TTC14: variants seen among roughly 807,000 people sequenced by gnomAD.
The protein encoded by TTC14 is tetratricopeptide repeat domain 14, also known as tetratricopeptide repeat protein 14.
Under a neutral mutation model 79.9 loss-of-function variants are expected in TTC14, and 63 were observed. The ratio of observed to expected loss-of-function variants is 0.79; its 90% CI spans 0.64 to 0.97. TTC14 has a LOEUF of 0.97. TTC14 is among the 50% of genes least tolerant of loss of function. The pLI, the probability that TTC14 is intolerant of heterozygous loss-of-function variation, is 0.00. For synonymous variants in TTC14, 335 were observed against 309.6 expected (o/e 1.08, Z -0.86); for missense variants, 895 against 894.0 (o/e 1.00, Z -0.01).
intron 12 of TTC14, chr3:180,617,074 A>G: frequency 1.5e-6 from 1 of 652,808 alleles, no homozygotes; most frequent in Non-Finnish European, 2.5e-6. Flanking sequence ...TTTGTACATA[A>G]TATACATTAT....
chr3:180,616,982 T>C lies in TTC14; in HGVS notation c.1775-398T>C. On this transcript the variant is annotated intron_variant, in intron 12 of 12. Coordinates refer to the TTC14 transcript ENST00000382584. Reference sequence around the variant, plus strand: ...TTTCCATGCTCTGTAGAAAAAATATTAACATGTATTTTTTAGAATCAGAAA... The same window carrying C: ...TTTCCATGCTCTGTAGAAAAAATATCAACATGTATTTTTTAGAATCAGAAA... 8.2e-7 allele frequency: 1 copy of C among 1,220,136 alleles called. No individual in the cohort carries two copies. Among genetic ancestry groups the C allele is most frequent in the Non-Finnish European group, 1.1e-6 (1 of 895,722 alleles). 75.6% of individuals were successfully genotyped at this position (1,220,136 alleles called of 1,614,324 possible). A position where few individuals can be genotyped will look rare whatever the true frequency, so the allele number is the denominator to read the frequency against.
At chr3:180,611,697 G>A (rs975428719), downstream of TTC14, among the ~76,000 whole-genome samples, 1 of 152,212 alleles carries the variant, frequency 6.6e-6, no homozygotes, top group African/African-American at 2.4e-5. Context: ...CTGGGTTTAT[G>A]ATGTCATTAG....
chr3:180,606,400 GA>G (rs1313072822), intron 8 of TTC14, 28 bp downstream of exon 8: 1 of 1,613,588 alleles, frequency 6.2e-7, no homozygotes, highest in Admixed American at 1.7e-5. Flanking sequence ...GGATTTTAAG[GA>G]ATGTTTACCA....
exon 13 of TTC14, chr3:180,617,647 C>T (rs891706431): frequency 2.5e-6 from 1 of 405,428 alleles, no homozygotes; most frequent in Non-Finnish European, 4.4e-6. Context: ...TAGAAAAATG[C>T]TTAGAGAATA....
downstream of TTC14, chr3:180,614,717 G>T: frequency 8.2e-6 from 4 of 490,054 alleles, no homozygotes; most frequent in Non-Finnish European, 1.4e-5. Context: ...ATGTAGCCTT[G>T]TCAAGAATCT....
At chr3:180,612,254 T>A (rs73883900), downstream of TTC14, among the ~76,000 whole-genome samples, 15 of 152,322 alleles carry the variant, frequency 9.8e-5, no homozygotes, top group Admixed American at 5.9e-4. Context: ...ACACAACATT[T>A]AAAAAATTTT....
intron 7 of TTC14, 162 bp downstream of exon 7, chr3:180,605,999 C>A: frequency 1.2e-6 from 1 of 846,056 alleles, no homozygotes; most frequent in Non-Finnish European, 1.8e-6. Context: ...TTACATTTTA[C>A]ACTTAACAGA....
chr3:180,607,650 TAGAAGA>T lies in TTC14; in HGVS notation c.1183_1188del (p.Glu395_Glu396del). 6.3e-7 allele frequency: 1 copy of T among 1,599,732 alleles called. No homozygotes were observed. The highest frequency in any genetic ancestry group is 8.5e-7 in the Non-Finnish European group (1 of 1,175,608). On this transcript the variant is annotated inframe_deletion, in exon 10 of 12. Coordinates refer to ENST00000296015, the MANE Select transcript of TTC14 (RefSeq NM_133462.4). ...CTAAATCTTTCTTTCAAATTTAGGT[TAGAAGA>T]AGAAGAAAAGTTTTTAAATGCTGAA...
intron 10 of TTC14, 164 bp downstream of exon 10, chr3:180,607,929 CCT>C (rs1439123867): frequency 7.2e-7 from 1 of 1,387,786 alleles, no homozygotes; most frequent in Non-Finnish European, 9.3e-7. Context: ...CTTCATAGTG[CCT>C]CTGTTTTTGT....
chr3:180,618,091 C>T (rs1371394815), downstream of TTC14, among the ~76,000 whole-genome samples: 2 of 152,110 alleles, frequency 1.3e-5, no homozygotes, highest in African/African-American at 2.4e-5. Context: ...AGTACAGTAA[C>T]ACACTTTACA....
At chr3:180,609,340 T>G in intron 11 of TTC14, 2 of 1,066,190 alleles carry the variant, frequency 1.9e-6, no homozygotes, top group Non-Finnish European at 2.3e-6. Flanking sequence ...AATAAAAAAG[T>G]TGAGTTCTCC....
downstream of TTC14, chr3:180,614,764 A>G (rs886058196): frequency 3.3e-6 from 2 of 603,920 alleles, no homozygotes; most frequent in Non-Finnish European, 5.4e-6. Flanking sequence ...AACAGTAGAG[A>G]AAATGAGAAC....
At position 180,609,803 on chromosome 3, in the gene TTC14, CA is replaced by C. The variant is rs1369087567; in HGVS notation, c.1577del (p.Asn526IlefsTer3). The C allele has an allele frequency of 6.2e-7, 1 of 1,613,808 alleles. No individual in the cohort carries two copies. Among genetic ancestry groups the C allele is most frequent in the Admixed American group, 1.7e-5 (1 of 59,972 alleles). On this transcript the variant is annotated frameshift_variant, in exon 12 of 12. Coordinates refer to ENST00000296015, the MANE Select transcript of TTC14 (RefSeq NM_133462.4). LOFTEE classifies it high-confidence loss of function. ...SSRRHSSRASSNQIDQNRKDE... is the reference protein window; with the variant it reads ...SSRRHSSRASXNQIDQNRKDE... ...AGAAGGCATTCATCTAGGGCATCCTCAAATCAGATAGATCAGAATAGGAAAG... is the reference window on the plus strand; with the variant it reads ...AGAAGGCATTCATCTAGGGCATCCTCAATCAGATAGATCAGAATAGGAAAG...
In TTC14 at chr3:180,607,748, C is replaced by T. The variant is rs1270069965; in HGVS notation, c.1273C>T (p.Leu425Phe). ...AGATGCAGAGGATGCTTTGCAGAAACTTCATAAATATATGCAGGTGATTCC... is the reference window on the plus strand; with the variant it reads ...AGATGCAGAGGATGCTTTGCAGAAATTTCATAAATATATGCAGGTGATTCC... ...FKDAEDALQK[L>F]HKYMQKSLEL... Residue 425 changes from leucine (L) to phenylalanine (F), a missense_variant, in exon 10 of 12, where the codon CTT (leucine) becomes TTT (phenylalanine). Transcript: ENST00000296015. The T allele has an allele frequency of 2.5e-6, 4 of 1,611,216 alleles. No homozygotes were observed. Among genetic ancestry groups the T allele is most frequent in the Non-Finnish European group, 3.4e-6 (4 of 1,178,830 alleles).
rs1274079225 is a variant in TTC14 at position 180,604,272 on chromosome 3, T to C, written c.534T>C (p.Asp178=). Residue 178 remains aspartate (D), a synonymous_variant, in exon 4 of 12, where the codon GAT becomes GAC. Coordinates refer to ENST00000296015, the MANE Select transcript of TTC14 (RefSeq NM_133462.4). ...RDVPSHSNHG[D]PLSYYQTGDI... is the part of the protein sequence containing the mutation. ...TGCCTTCTCACAGTAACCATGGGGA[T>C]CCTTTATCATATTACCAAACTGGTG... 3 of 1,613,522 alleles carry C rather than the reference T, an allele frequency of 1.9e-6. No homozygotes were observed. The highest frequency in any genetic ancestry group is 2.5e-6 in the Non-Finnish European group (3 of 1,179,782).
intron 11 of TTC14, chr3:180,609,316 A>ACT (rs1237738828): frequency 9.6e-7 from 1 of 1,046,790 alleles, no homozygotes; most frequent in Non-Finnish European, 1.1e-6. Flanking sequence ...GAAACCATGA[A>ACT]CTAGAGGTAG....
chr3:180,602,893 AAG>A lies in TTC14; in HGVS notation c.168_169del (p.Lys57GlufsTer3). 2 of 1,602,078 alleles carry A rather than the reference AAG, an allele frequency of 1.2e-6. No homozygotes were observed. The highest frequency in any genetic ancestry group is 1.7e-6 in the Non-Finnish European group (2 of 1,177,066). ...ATATATATTTTTTTCTTTTTAAGAA[AAG>A]AGAAGAGAGTTGACAACATCGAGAT... On this transcript the variant is annotated frameshift_variant, in exon 2 of 12. Coordinates refer to ENST00000296015, the MANE Select transcript of TTC14 (RefSeq NM_133462.4). LOFTEE classifies it high-confidence loss of function.
At chr3:180,608,656 G>A in intron 10 of TTC14, 45 bp from the exon 11 acceptor site, 1 of 1,449,546 alleles carries the variant, frequency 6.9e-7, no homozygotes, top group Non-Finnish European at 9.0e-7. Flanking sequence ...TATATATTCT[G>A]CTATTTTTAA....
At chr3:180,613,965 G>A (rs777636757), downstream of TTC14, 4 of 395,308 alleles carry the variant, frequency 1.0e-5, no homozygotes, top group African/African-American at 4.2e-5. Context: ...CAGTTGTAAT[G>A]AGCATTTTTT....
Sources: gnomAD v4.1 joint callset for allele counts (sites outside exome capture counted in the v4.1 genomes callset) on GRCh38, gnomAD v4.1.1 for gene constraint, MANE v1.5 for transcripts, NCBI Gene and HGNC (gene_info 2026-07-23, HGNC 2026-07-21) for gene names.